CHD9: variants seen among roughly 807,000 people sequenced by gnomAD.
The protein encoded by CHD9 is ATP-dependent chromatin remodeler CHD9.
CHD9 carries 77 observed loss-of-function variants against 316.1 expected under a neutral mutation model. That is an observed-to-expected ratio of 0.24 (90% CI 0.20 to 0.29). CHD9 has a LOEUF of 0.29. Among genes scored for constraint, CHD9 ranks in the 10% least tolerant of loss-of-function variants. The pLI is 1.00. For synonymous variants in CHD9, 1,129 were observed against 1,158.3 expected (o/e 0.97, Z 0.51); for missense variants, 2,763 against 3,438.1 (o/e 0.80, Z 4.91).
chr16:53,204,076 C>T (rs1241248999), intron 2 of CHD9, among the ~76,000 whole-genome samples: 1 of 143,460 alleles, frequency 7.0e-6, no homozygotes, highest in Non-Finnish European at 1.5e-5. Context: ...CACACACACA[C>T]ACACACACAC....
rs1461564833 is a variant in CHD9, at chr16:53,117,685, G to A, written c.-164-38241G>A. On this transcript the variant is annotated intron_variant, in intron 1 of 38. Transcript: ENST00000447540. ...CCTGCCTTGGCCTCCCAAGGTGCTGGGATTACAGATGTAAGCCATTGCACC... is the reference window on the plus strand; with the variant it reads ...CCTGCCTTGGCCTCCCAAGGTGCTGAGATTACAGATGTAAGCCATTGCACC... 4.6e-5 allele frequency among the ~76,000 whole-genome samples: 7 copies of A among 151,982 alleles called. No individual in the cohort carries two copies. In the South Asian group the frequency reaches 1.5e-3, roughly 32 times the overall value.
intron 36 of CHD9, among the ~76,000 whole-genome samples, chr16:53,315,505 G>GTC (rs1043613774): frequency 3.3e-4 from 50 of 152,196 alleles, no homozygotes; most frequent in African/African-American, 1.1e-3. Context: ...TTGAGACAGA[G>GTC]TCTCGCACTG....
At chr16:53,160,265 T>C (rs1347265475) in intron 2 of CHD9, among the ~76,000 whole-genome samples, 1 of 152,248 alleles carries the variant, frequency 6.6e-6, no homozygotes, top group Non-Finnish European at 1.5e-5. Context: ...GATTCATGTC[T>C]TTTTGTTGCT....
chr16:53,157,920 A>G (rs964350053), intron 2 of CHD9, among the ~76,000 whole-genome samples: 1 of 152,228 alleles, frequency 6.6e-6, no homozygotes, highest in Non-Finnish European at 1.5e-5. Flanking sequence ...TATTCCTATA[A>G]AAAGCTTTAT....
chr16:53,099,644 T>C (rs1437716710), intron 1 of CHD9, among the ~76,000 whole-genome samples: 3 of 152,136 alleles, frequency 2.0e-5, no homozygotes, highest in African/African-American at 7.2e-5. Context: ...CTCTTCCTCC[T>C]CCGGACTCCT....
At chr16:53,084,782 C>G (rs77950672) in intron 1 of CHD9, among the ~76,000 whole-genome samples, 2,626 of 152,206 alleles carry the variant, frequency 0.017, 31 homozygotes, top group Non-Finnish European at 0.028. Flanking sequence ...TCACAGAAGC[C>G]GGAAAGTGTT....
chr16:53,127,057 T>A (rs1190991204), intron 1 of CHD9, among the ~76,000 whole-genome samples: 2 of 151,964 alleles, frequency 1.3e-5, no homozygotes, highest in African/African-American at 4.8e-5. Context: ...TGGGCTCAAG[T>A]GATCCTCCCA....
At chr16:53,224,611 A>G (rs1273315505) in intron 4 of CHD9, among the ~76,000 whole-genome samples, 2 of 152,192 alleles carry the variant, frequency 1.3e-5, no homozygotes, top group African/African-American at 4.8e-5. Flanking sequence ...GTACTAATAG[A>G]TGTCTTAAGT....
intron 1 of CHD9, among the ~76,000 whole-genome samples, chr16:53,056,595 A>G (rs1174507428): frequency 6.6e-6 from 1 of 152,218 alleles, no homozygotes; most frequent in East Asian, 1.9e-4. Flanking sequence ...GCAAAAGAAC[A>G]ATACTCTGCT....
At chr16:53,178,151 T>A (rs1180772053) in intron 2 of CHD9, among the ~76,000 whole-genome samples, 1 of 152,144 alleles carries the variant, frequency 6.6e-6, no homozygotes, top group Non-Finnish European at 1.5e-5. Flanking sequence ...GGGTGATATA[T>A]CCTTTTGACC....
intron 8 of CHD9, 35 bp from the exon 9 acceptor site, chr16:53,231,384 T>A (rs1161850410): frequency 8.3e-7 from 1 of 1,203,212 alleles, no homozygotes; most frequent in East Asian, 2.3e-5. Flanking sequence ...TCCAGTTCTT[T>A]GTCAGATGTC....
intron 2 of CHD9, among the ~76,000 whole-genome samples, chr16:53,188,938 T>C (rs1271386616): frequency 6.6e-6 from 1 of 151,996 alleles, no homozygotes; most frequent in Non-Finnish European, 1.5e-5. Context: ...CATATTTAAA[T>C]TGGGTTACTT....
chr16:53,312,856 C>G (rs1234328561), intron 34 of CHD9, among the ~76,000 whole-genome samples: 1 of 152,142 alleles, frequency 6.6e-6, no homozygotes, highest in African/African-American at 2.4e-5. Flanking sequence ...CAGGAATACC[C>G]AGGACTTGCT....
chr16:53,119,632 A>G (rs2038585549), intron 1 of CHD9, among the ~76,000 whole-genome samples: 1 of 152,182 alleles, frequency 6.6e-6, no homozygotes, highest in Non-Finnish European at 1.5e-5. Context: ...CAGGAGTTCA[A>G]GAGCAGCCTG....
At chr16:53,111,286 C>T (rs1005328122) in intron 1 of CHD9, among the ~76,000 whole-genome samples, 2 of 152,072 alleles carry the variant, frequency 1.3e-5, no homozygotes, top group African/African-American at 2.4e-5. Flanking sequence ...TGGGGAGGGT[C>T]GGGGAATCCC....
At chr16:53,238,982 A>C (rs1046335264) in intron 12 of CHD9, among the ~76,000 whole-genome samples, 2 of 152,090 alleles carry the variant, frequency 1.3e-5, no homozygotes, top group African/African-American at 2.4e-5. Flanking sequence ...CACTAATACC[A>C]CAGGCTTAAA....
At chr16:53,138,905 G>A (rs1002015919) in intron 1 of CHD9, among the ~76,000 whole-genome samples, 2 of 152,184 alleles carry the variant, frequency 1.3e-5, no homozygotes, top group Admixed American at 6.6e-5. Context: ...GTTTACATTT[G>A]TGTTAAGGTA....
Position 53,259,329 on chromosome 16 carries a change from C to G in CHD9, c.4209+3550C>G, listed in dbSNP as rs186936334. On this transcript the variant is annotated intron_variant, in intron 19 of 38. Transcript: ENST00000447540. ...TTTAATTCTGAAATTTAATTTCTTC[C>G]AGGTAAATTTTTTACATTATCAATA... Among the ~76,000 whole-genome samples the G allele has an allele frequency of 2.1e-3, 325 of 151,868 alleles. 1 individual carries two copies. Among genetic ancestry groups the G allele is most frequent in the African/African-American group, 7.4e-3 (305 of 41,418 alleles).
At chr16:53,148,984 G>A (rs1051821126) in intron 1 of CHD9, among the ~76,000 whole-genome samples, 8 of 152,080 alleles carry the variant, frequency 5.3e-5, no homozygotes, top group African/African-American at 1.7e-4. Flanking sequence ...TTTCATTTGC[G>A]TATTTTCTAA....
Sources: gnomAD v4.1 joint callset for allele counts (sites outside exome capture counted in the v4.1 genomes callset) on GRCh38, gnomAD v4.1.1 for gene constraint, MANE v1.5 for transcripts, NCBI Gene and HGNC (gene_info 2026-07-23, HGNC 2026-07-21) for gene names.